Variants in RGS6 observed in about 807,000 individuals in gnomAD.
RGS6 encodes regulator of G-protein signaling 6.
In RGS6, 30 loss-of-function variants were observed where a neutral mutation model predicts 78.5. That is an observed-to-expected ratio of 0.38 (90% CI 0.29 to 0.52). The LOEUF is 0.52. Among genes scored for constraint, RGS6 ranks in the 20% least tolerant of loss-of-function variants. RGS6 has a pLI of 0.85. For synonymous variants in RGS6, 206 were observed against 206.0 expected (o/e 1.00, Z 0.00); for missense variants, 495 against 609.7 (o/e 0.81, Z 1.98).
intron 2 of RGS6, among the ~76,000 whole-genome samples, chr14:72,105,215 G>T (rs1166703614): frequency 6.6e-6 from 1 of 152,178 alleles, no homozygotes; most frequent in Non-Finnish European, 1.5e-5. Context: ...ATGACTCCTT[G>T]ACCAGTGGGA....
intron 17 of RGS6, chr14:72,540,648 T>G: frequency 7.1e-7 from 1 of 1,410,236 alleles, no homozygotes; most frequent in Non-Finnish European, 9.4e-7. Context: ...GCGTGTGTGT[T>G]AGTCGCCTCT....
intron 2 of RGS6, among the ~76,000 whole-genome samples, chr14:72,188,166 G>C (rs1440500790): frequency 6.6e-6 from 1 of 152,102 alleles, no homozygotes; most frequent in Admixed American, 6.6e-5. Context: ...GTCCAGGCCT[G>C]AGTTGTAGTG....
At chr14:72,112,037 T>C (rs956653753) in intron 2 of RGS6, among the ~76,000 whole-genome samples, 4 of 152,338 alleles carry the variant, frequency 2.6e-5, no homozygotes, top group South Asian at 4.1e-4. Context: ...CCAGAATCCA[T>C]TGGCATGCGG....
intron 3 of RGS6, among the ~76,000 whole-genome samples, chr14:72,435,569 G>A (rs758267): frequency 0.35 from 52,532 of 151,974 alleles, 9,478 homozygotes; most frequent in Admixed American, 0.44. Context: ...AGAAATCTGA[G>A]ATGGATCTTA....
chr14:72,462,268 C>A (rs562250270), intron 6 of RGS6, among the ~76,000 whole-genome samples: 1 of 152,166 alleles, frequency 6.6e-6, no homozygotes, highest in South Asian at 2.1e-4. Flanking sequence ...CTTGAGTATT[C>A]AAAGGTTTTA....
chr14:71,965,487 C>T (rs2153053384), intron 2 of RGS6, among the ~76,000 whole-genome samples: 1 of 152,148 alleles, frequency 6.6e-6, no homozygotes, highest in African/African-American at 2.4e-5. Flanking sequence ...AAGAACATAC[C>T]AGGTGATGAG....
chr14:72,603,718 T>C, the RGS6 span, among the ~76,000 whole-genome samples: 1 of 152,088 alleles, frequency 6.6e-6, no homozygotes, highest in East Asian at 1.9e-4. Context: ...AGATAAGAGG[T>C]TGGAGCCTCA....
At chr14:72,137,100 A>G (rs2096456105) in intron 2 of RGS6, among the ~76,000 whole-genome samples, 1 of 152,176 alleles carries the variant, frequency 6.6e-6, no homozygotes, top group Admixed American at 6.5e-5. Flanking sequence ...ATTGGTGAGA[A>G]ACGTGAGGAA....
At chr14:72,055,654 T>G (rs1409853747) in intron 2 of RGS6, among the ~76,000 whole-genome samples, 2 of 152,186 alleles carry the variant, frequency 1.3e-5, no homozygotes, top group East Asian at 1.9e-4. Context: ...AGGGATTTTT[T>G]TTTTTAAATA....
intron 2 of RGS6, among the ~76,000 whole-genome samples, chr14:72,247,003 C>G (rs2054392259): frequency 1.3e-5 from 2 of 152,232 alleles, no homozygotes; most frequent in South Asian, 4.1e-4. Flanking sequence ...TGGGGACTCC[C>G]TGTGTTCCTG....
the RGS6 span, among the ~76,000 whole-genome samples, chr14:71,899,046 A>T: frequency 6.6e-6 from 1 of 152,174 alleles, no homozygotes; most frequent in Non-Finnish European, 1.5e-5. Context: ...TGTGGGAAAA[A>T]CCAATAGGCT....
intron 2 of RGS6, among the ~76,000 whole-genome samples, chr14:72,142,733 C>G (rs1036412594): frequency 6.6e-6 from 1 of 152,192 alleles, no homozygotes; most frequent in African/African-American, 2.4e-5. Flanking sequence ...CAATTTACAA[C>G]ATTTAATGTT....
intron 2 of RGS6, among the ~76,000 whole-genome samples, chr14:72,025,299 C>T (rs1008241543): frequency 2.0e-5 from 3 of 151,826 alleles, no homozygotes; most frequent in East Asian, 1.9e-4. Context: ...GTATCTGTCC[C>T]GTGTCTCGGT....
intron 2 of RGS6, among the ~76,000 whole-genome samples, chr14:72,107,718 A>C (rs1487905004): frequency 6.6e-6 from 1 of 152,130 alleles, no homozygotes; most frequent in Admixed American, 6.5e-5. Context: ...ATTCAGGACT[A>C]CAGGGTTTTA....
At chr14:72,613,972 T>G in the RGS6 span, among the ~76,000 whole-genome samples, 1 of 151,892 alleles carries the variant, frequency 6.6e-6, no homozygotes, top group Non-Finnish European at 1.5e-5. Flanking sequence ...TCTCCCCTCC[T>G]TCCCCCTGCC....
In RGS6 at chr14:72,151,460, C is replaced by T. The variant is rs115146991; in HGVS notation, c.84+186585C>T. On this transcript the variant is annotated intron_variant, in intron 2 of 17. Coordinates refer to ENST00000553525, the MANE Select transcript of RGS6 (RefSeq NM_001204424.2). Reference sequence around the variant, plus strand: ...AATATTCAGCATGGTTACAGGAAGACTGAAATCAGGGCACTGTGTAATTTT... The same window carrying T: ...AATATTCAGCATGGTTACAGGAAGATTGAAATCAGGGCACTGTGTAATTTT... Among the ~76,000 whole-genome samples, 961 of 152,270 alleles carry T rather than the reference C, an allele frequency of 6.3e-3. 9 individuals are homozygous for T. Among genetic ancestry groups the T allele is most frequent in the African/African-American group, 0.022 (899 of 41,536 alleles).
At chr14:72,172,220 C>A (rs1567374616) in intron 2 of RGS6, among the ~76,000 whole-genome samples, 1 of 151,516 alleles carries the variant, frequency 6.6e-6, no homozygotes, top group African/African-American at 2.4e-5. Context: ...CATCTGAACT[C>A]TTTTAGATTT....
intron 3 of RGS6, among the ~76,000 whole-genome samples, chr14:72,441,045 T>G (rs2095176628): frequency 6.6e-6 from 1 of 152,188 alleles, no homozygotes; most frequent in Non-Finnish European, 1.5e-5. Context: ...CTGTTGCATC[T>G]ATGCATGTGT....
intron 1 of RGS6, among the ~76,000 whole-genome samples, chr14:71,935,784 C>T (rs1045200689): frequency 1.3e-5 from 2 of 151,810 alleles, no homozygotes; most frequent in African/African-American, 2.4e-5. Flanking sequence ...ACTAATTAAG[C>T]TAATGACGTA....
Sources: gnomAD v4.1 joint callset for allele counts (sites outside exome capture counted in the v4.1 genomes callset) on GRCh38, gnomAD v4.1.1 for gene constraint, MANE v1.5 for transcripts, NCBI Gene and HGNC (gene_info 2026-07-23, HGNC 2026-07-21) for gene names.